MAN2A1: variants seen among roughly 807,000 people sequenced by gnomAD.
MAN2A1 encodes mannosidase alpha class 2A member 1, also known as alpha-mannosidase 2.
In MAN2A1, 76 loss-of-function variants were observed where a neutral mutation model predicts 142.6. The ratio of observed to expected loss-of-function variants is 0.53; its 90% CI spans 0.44 to 0.65. The LOEUF is 0.65. Ranked by LOEUF, MAN2A1 falls within the 30% of genes least tolerant of loss-of-function variation. The probability of loss-of-function intolerance (pLI) is 0.00; values close to 1 mark genes in which losing one functional copy is unlikely to be tolerated. For synonymous variants in MAN2A1, 559 were observed against 473.2 expected, an observed-to-expected ratio of 1.18 and a Z score of -2.35; for missense variants, 1,311 against 1,365.1, an observed-to-expected ratio of 0.96 and a Z score of 0.62.
chr5:109,817,802 G>T (rs879259506), intron 13 of MAN2A1, among the ~76,000 whole-genome samples: 1 of 151,966 alleles, frequency 6.6e-6, no homozygotes. Flanking sequence ...TATGCATATC[G>T]AAAGTGAGAT....
At chr5:109,808,031 A>G (rs1187275504) in intron 12 of MAN2A1, among the ~76,000 whole-genome samples, 1 of 152,246 alleles carries the variant, frequency 6.6e-6, no homozygotes, top group African/African-American at 2.4e-5. Context: ...AGCTCCTTGT[A>G]ATGACTAAAA....
chr5:109,740,902 C>T (rs923793241), intron 4 of MAN2A1, among the ~76,000 whole-genome samples: 69 of 152,300 alleles, frequency 4.5e-4, no homozygotes, highest in African/African-American at 1.6e-3. Flanking sequence ...TTCCTCCCCT[C>T]TCTCTTTTTT....
chr5:109,815,263 G>T (rs1414718009), intron 12 of MAN2A1, among the ~76,000 whole-genome samples: 1 of 152,154 alleles, frequency 6.6e-6, no homozygotes, highest in South Asian at 2.1e-4. Context: ...GTGGGAGGCT[G>T]CAAATAGATT....
chr5:109,723,909 C>A (rs1322882013), intron 3 of MAN2A1, among the ~76,000 whole-genome samples: 1 of 152,082 alleles, frequency 6.6e-6, no homozygotes, highest in Non-Finnish European at 1.5e-5. Flanking sequence ...ATTTCCATGG[C>A]ATTTTATTCA....
intron 20 of MAN2A1, among the ~76,000 whole-genome samples, chr5:109,857,016 A>G (rs1212631553): frequency 1.3e-5 from 2 of 152,168 alleles, no homozygotes; most frequent in African/African-American, 4.8e-5. Context: ...AAAGGAGGTA[A>G]CACAATTTTG....
At chr5:109,760,436 A>G (rs574962663) in intron 5 of MAN2A1, among the ~76,000 whole-genome samples, 118 of 152,288 alleles carry the variant, frequency 7.7e-4, no homozygotes, top group Non-Finnish European at 1.5e-3. Flanking sequence ...TAGTGCTGCA[A>G]TAAACATACA....
intron 5 of MAN2A1, among the ~76,000 whole-genome samples, chr5:109,764,394 C>G (rs1582873822): frequency 6.6e-6 from 1 of 152,156 alleles, no homozygotes; most frequent in East Asian, 1.9e-4. Flanking sequence ...GGCATGAAAT[C>G]TTTTTGATGA....
intron 16 of MAN2A1, 63 bp downstream of exon 16, chr5:109,823,900 T>G (rs1477087349): frequency 1.3e-6 from 1 of 744,926 alleles, no homozygotes; most frequent in Non-Finnish European, 2.1e-6. Flanking sequence ...CTTGCTTTTC[T>G]TATGCCATTC....
Position 109,767,580 on chromosome 5 carries a change from C to A in MAN2A1, c.881C>A (p.Ser294Ter), listed in dbSNP as rs1482373964. 6.2e-7 allele frequency: 1 copy of A among 1,613,788 alleles called. No homozygotes were observed. The highest frequency in any genetic ancestry group is 1.7e-5 in the Admixed American group (1 of 60,000). ...TGGGCTATTGATCCCTTTGGACACT[C>A]ACCAACAATGGCTTATCTTCTAAAC... ...SGWAIDPFGHSPTMAYLLNRA... is the reference protein window; with the variant it reads ...SGWAIDPFGH Residue 294 changes from serine (S) to a stop codon, truncating the protein, a stop_gained, in exon 6 of 22, where the codon TCA (serine) becomes TAA (stop). Transcript: ENST00000261483. LOFTEE classifies it high-confidence loss of function.
chr5:109,824,575 A>AATTC (rs1309126838), intron 16 of MAN2A1, among the ~76,000 whole-genome samples: 1 of 152,224 alleles, frequency 6.6e-6, no homozygotes, highest in Non-Finnish European at 1.5e-5. Flanking sequence ...CACTCTTAGA[A>AATTC]AAAGACCTCA....
intron 12 of MAN2A1, among the ~76,000 whole-genome samples, chr5:109,791,494 G>C (rs1347047111): frequency 6.6e-6 from 1 of 151,898 alleles, no homozygotes; most frequent in African/African-American, 2.4e-5. Context: ...AGCCTTAGAG[G>C]TGTGGCTGTG....
chr5:109,692,445 A>T (rs143947725), intron 1 of MAN2A1, among the ~76,000 whole-genome samples: 1 of 152,150 alleles, frequency 6.6e-6, no homozygotes, highest in Non-Finnish European at 1.5e-5. Flanking sequence ...CCTCAAGCAG[A>T]TAGACATTCT....
intron 6 of MAN2A1, 37 bp downstream of exon 6, chr5:109,767,745 C>G (rs558409896): frequency 4.5e-6 from 7 of 1,567,042 alleles, no homozygotes; most frequent in Non-Finnish European, 6.1e-6. Flanking sequence ...CCCATTTGGC[C>G]TAGATACTAT....
intron 17 of MAN2A1, among the ~76,000 whole-genome samples, chr5:109,844,354 A>C (rs971360538): frequency 1.3e-5 from 2 of 152,222 alleles, no homozygotes; most frequent in Non-Finnish European, 2.9e-5. Flanking sequence ...TAGCTCCACC[A>C]GTGGGGAATC....
intron 3 of MAN2A1, among the ~76,000 whole-genome samples, chr5:109,724,551 T>G (rs1465004475): frequency 2.6e-5 from 4 of 152,166 alleles, no homozygotes; most frequent in African/African-American, 9.6e-5. Context: ...GTTGCATGTG[T>G]TGTTTATTAC....
Position 109,820,202 on chromosome 5 carries a change from A to T in MAN2A1, c.2329-18A>T, listed in dbSNP as rs754788558. The T allele has an allele frequency of 1.4e-5, 22 of 1,585,070 alleles. No individual in the cohort carries two copies. Among genetic ancestry groups the T allele is most frequent in the South Asian group, 4.5e-5 (4 of 88,584 alleles). On this transcript the variant is annotated intron_variant, in intron 14 of 21. Transcript: ENST00000261483. ...TCTTAGTGGTGAGTTGCTTATTATT[A>T]TTTTTTTTAATCTTTAGCAAATGAT...
At chr5:109,790,679 C>G (rs1753715601) in intron 12 of MAN2A1, among the ~76,000 whole-genome samples, 1 of 151,938 alleles carries the variant, frequency 6.6e-6, no homozygotes, top group African/African-American at 2.4e-5. Context: ...ATATTGTGTT[C>G]CTAGTAAACT....
At chr5:109,832,083 T>C (rs147941729) in intron 16 of MAN2A1, among the ~76,000 whole-genome samples, 1 of 151,426 alleles carries the variant, frequency 6.6e-6, no homozygotes, top group African/African-American at 2.4e-5. Flanking sequence ...GATTTTATTC[T>C]TAATTTTTAT....
intron 7 of MAN2A1, among the ~76,000 whole-genome samples, chr5:109,771,447 C>T (rs1348287721): frequency 6.6e-6 from 1 of 152,130 alleles, no homozygotes; most frequent in East Asian, 1.9e-4. Flanking sequence ...CTTTGTGAGC[C>T]TCTCACTGTG....
Sources: allele counts gnomAD v4.1 joint callset (sites outside exome capture counted in the v4.1 genomes callset), GRCh38; gene constraint gnomAD v4.1.1; transcripts MANE v1.5; gene names NCBI Gene and HGNC (gene_info 2026-07-23, HGNC 2026-07-21).